The following IL23R variants were observed in gnomAD, a reference collection of about 807,000 sequenced individuals.
IL23R encodes the protein interleukin 23 receptor.
Under a neutral mutation model 56.9 loss-of-function variants are expected in IL23R, and 34 were observed. The observed-to-expected ratio is 0.60, with a 90% CI of 0.45 to 0.80. The LOEUF is 0.80. IL23R is among the 30% of genes least tolerant of loss of function. The pLI, the probability that IL23R is intolerant of heterozygous loss-of-function variation, is 0.00. For missense variants in IL23R, 635 were observed against 730.0 expected (o/e 0.87, Z 1.50); for synonymous variants, 230 against 249.2 (o/e 0.92, Z 0.73).
At chr1:67,188,077 T>TA (rs1247083769) in intron 4 of IL23R, among the ~76,000 whole-genome samples, 4 of 151,894 alleles carry the variant, frequency 2.6e-5, no homozygotes, top group South Asian at 2.1e-4. Flanking sequence ...AAAAGAAAAA[T>TA]AAAAAAACTC....
At chr1:67,193,303 T>C (rs773294781) in intron 4 of IL23R, among the ~76,000 whole-genome samples, 34 of 152,206 alleles carry the variant, frequency 2.2e-4, no homozygotes, top group Non-Finnish European at 4.6e-4. Flanking sequence ...TCTGAACATT[T>C]CTCACCATAC....
chr1:67,223,053 A>G (rs1570881431), intron 7 of IL23R, among the ~76,000 whole-genome samples: 1 of 152,198 alleles, frequency 6.6e-6, no homozygotes, highest in East Asian at 1.9e-4. Flanking sequence ...CAGGAGTTTA[A>G]GACCACCCTG....
intron 1 of IL23R, among the ~76,000 whole-genome samples, chr1:67,140,288 C>CA (rs559765149): frequency 6.6e-6 from 1 of 151,582 alleles, no homozygotes; most frequent in Non-Finnish European, 1.5e-5. Flanking sequence ...TTCTGTATGT[C>CA]AAAAAAAGTC....
intron 7 of IL23R, among the ~76,000 whole-genome samples, chr1:67,229,488 A>G (rs1187041049): frequency 6.6e-6 from 1 of 152,158 alleles, no homozygotes; most frequent in Admixed American, 6.5e-5. Context: ...GCTTCATTAC[A>G]TAAGCATGAT....
intron 7 of IL23R, among the ~76,000 whole-genome samples, chr1:67,235,250 C>T (rs1381492847): frequency 6.6e-6 from 1 of 152,152 alleles, no homozygotes; most frequent in Non-Finnish European, 1.5e-5. Flanking sequence ...TTTCCTCTTG[C>T]TGTAGAGAAG....
At position 67,236,810 on chromosome 1, in the gene IL23R, A is replaced by T. The variant is rs778770029; in HGVS notation, c.1045+8A>T. 1.9e-6 allele frequency: 3 copies of T among 1,575,224 alleles called. No homozygotes were observed. The highest frequency in any genetic ancestry group is 2.6e-6 in the Non-Finnish European group (3 of 1,144,722). On this transcript the variant is annotated splice_region_variant and intron_variant, in intron 8 of 10. Transcript: ENST00000347310. Reference sequence around the variant, plus strand: ...CAGGGCACCTTACTTCTGGTAAGAAAATACAACTTAGGCTTTTTGAGTAGT... The same window carrying T: ...CAGGGCACCTTACTTCTGGTAAGAATATACAACTTAGGCTTTTTGAGTAGT...
intron 1 of IL23R, among the ~76,000 whole-genome samples, chr1:67,157,980 C>G (rs1287233872): frequency 6.6e-6 from 1 of 152,158 alleles, no homozygotes; most frequent in African/African-American, 2.4e-5. Context: ...CTTTGGGTGG[C>G]CAAGGTGGGT....
intron 3 of IL23R, among the ~76,000 whole-genome samples, chr1:67,175,266 A>G (rs1225274254): frequency 1.3e-5 from 2 of 152,136 alleles, no homozygotes; most frequent in Non-Finnish European, 2.9e-5. Flanking sequence ...AGTTGAGTGG[A>G]GTGACAGGAA....
chr1:67,218,429 A>C (rs1011243109), intron 6 of IL23R, among the ~76,000 whole-genome samples: 6 of 151,346 alleles, frequency 4.0e-5, no homozygotes, highest in Non-Finnish European at 7.4e-5. Context: ...GGACCAACTT[A>C]CAGCTTAGCT....
rs886133623 is a variant in IL23R, at chr1:67,258,754, T to G, written c.1516T>G (p.Ser506Ala). ...SHLSNNNEIT[S>A]LTLKPPVDSL... ...TCTCAGCAATAATAATGAAATTACT[T>G]CCTTAACACTTAAACCACCAGTTGA... The change falls in exon 11 of 11, where the codon TCC becomes GCC. Residue 506 changes from serine (S) to alanine (A), a missense_variant. Ser to Ala is a moderately conservative substitution (Grantham distance 99). Coordinates refer to ENST00000347310, the MANE Select transcript of IL23R (RefSeq NM_144701.3). 11 of 1,611,784 alleles carry G rather than the reference T, an allele frequency of 6.8e-6. No homozygotes were observed. Among genetic ancestry groups the G allele is most frequent in the Non-Finnish European group, 8.5e-6 (10 of 1,178,508 alleles).
At chr1:67,173,093 A>C (rs1184255004) in intron 3 of IL23R, among the ~76,000 whole-genome samples, 1 of 152,128 alleles carries the variant, frequency 6.6e-6, no homozygotes, top group African/African-American at 2.4e-5. Flanking sequence ...TTGGCAAGAA[A>C]GAGCAAAAAC....
At chr1:67,208,555 G>A (rs1044009672) in intron 6 of IL23R, among the ~76,000 whole-genome samples, 1 of 152,234 alleles carries the variant, frequency 6.6e-6, no homozygotes, top group Non-Finnish European at 1.5e-5. Context: ...GGCTTCAGAA[G>A]GTGGAAGCCC....
chr1:67,256,909 G>A (rs943574637), intron 10 of IL23R, among the ~76,000 whole-genome samples: 1 of 152,142 alleles, frequency 6.6e-6, no homozygotes, highest in African/African-American at 2.4e-5. Context: ...AAAACAACTG[G>A]TCAACAGAAT....
At chr1:67,208,579 CT>C (rs1432147275) in intron 6 of IL23R, among the ~76,000 whole-genome samples, 17 of 152,232 alleles carry the variant, frequency 1.1e-4, no homozygotes, top group Non-Finnish European at 1.9e-4. Context: ...GCTTTGACAG[CT>C]TCCACATGGT....
At chr1:67,183,173 G>A (rs1371181204) in intron 4 of IL23R, among the ~76,000 whole-genome samples, 2 of 152,176 alleles carry the variant, frequency 1.3e-5, no homozygotes, top group African/African-American at 2.4e-5. Flanking sequence ...TGATCTTTCT[G>A]TCCTTTTTAT....
intron 3 of IL23R, among the ~76,000 whole-genome samples, 168 bp from the exon 4 acceptor site, chr1:67,182,668 A>C (rs1384435212): frequency 6.6e-6 from 1 of 152,116 alleles, no homozygotes; most frequent in African/African-American, 2.4e-5. Flanking sequence ...GATAAACCCC[A>C]GTGAGATGAA....
intron 6 of IL23R, among the ~76,000 whole-genome samples, chr1:67,214,522 G>T (rs1649702004): frequency 1.3e-5 from 2 of 152,246 alleles, no homozygotes; most frequent in Non-Finnish European, 2.9e-5. Context: ...GTTTTGAAAA[G>T]TGAGCTCAAA....
At chr1:67,258,038 T>C (rs1463150409) in intron 10 of IL23R, among the ~76,000 whole-genome samples, 1 of 152,130 alleles carries the variant, frequency 6.6e-6, no homozygotes, top group Non-Finnish European at 1.5e-5. Flanking sequence ...ATTCTCGGTA[T>C]GTGAGCAAAA....
In IL23R at chr1:67,173,697, T is replaced by C. The variant is rs569404537; in HGVS notation, c.367+4059T>C. Among the ~76,000 whole-genome samples, 17 of 152,286 alleles carry C rather than the reference T, an allele frequency of 1.1e-4. No individual in the cohort carries two copies. The South Asian group carries it at 1.9e-3, about 17-fold the overall frequency. Reference sequence around the variant, plus strand: ...AAAAGGATATTAGACCTTCGATATATGAAAATAGTTTTTTAATTATAAAAT... The same window carrying C: ...AAAAGGATATTAGACCTTCGATATACGAAAATAGTTTTTTAATTATAAAAT... On this transcript the variant is annotated intron_variant, in intron 3 of 10. Coordinates refer to ENST00000347310, the MANE Select transcript of IL23R (RefSeq NM_144701.3).
Sources: gnomAD v4.1 joint callset for allele counts (sites outside exome capture counted in the v4.1 genomes callset) on GRCh38, gnomAD v4.1.1 for gene constraint, MANE v1.5 for transcripts, NCBI Gene and HGNC (gene_info 2026-07-23, HGNC 2026-07-21) for gene names.